Variants in RHBDL2 observed in about 807,000 individuals in gnomAD.
RHBDL2 encodes rhomboid-related protein 2.
In RHBDL2, 26 loss-of-function variants were observed where a neutral mutation model predicts 31.7. The ratio of observed to expected loss-of-function variants is 0.82; its 90% CI spans 0.60 to 1.14. RHBDL2 has a LOEUF of 1.14. Among genes scored for constraint, RHBDL2 ranks in the 50% most tolerant of loss-of-function variants. The pLI is 0.00. For missense variants in RHBDL2, 336 were observed against 364.4 expected, an observed-to-expected ratio of 0.92 and a Z score of 0.63; for synonymous variants, 123 against 127.2, an observed-to-expected ratio of 0.97 and a Z score of 0.22.
intron 7 of RHBDL2, among the ~76,000 whole-genome samples, chr1:38,887,255 G>T (rs554549812): frequency 4.0e-5 from 6 of 151,618 alleles, no homozygotes; most frequent in African/African-American, 1.5e-4. Flanking sequence ...CAACTCTGTC[G>T]CCCAGGCTGG....
At chr1:38,917,108 C>T (rs1268221843) in intron 2 of RHBDL2, among the ~76,000 whole-genome samples, 1 of 147,248 alleles carries the variant, frequency 6.8e-6, no homozygotes, top group African/African-American at 2.5e-5. Context: ...AGTTCTGCCT[C>T]CTGGGTTCAC....
At chr1:38,920,792 T>C (rs976075747) in intron 1 of RHBDL2, among the ~76,000 whole-genome samples, 24 of 150,284 alleles carry the variant, frequency 1.6e-4, no homozygotes, top group Non-Finnish European at 2.8e-4. Flanking sequence ...TTTTTTTGTA[T>C]TTTTAGTAGA....
chr1:38,930,820 G>C (rs1319466311), intron 1 of RHBDL2, among the ~76,000 whole-genome samples: 9 of 152,178 alleles, frequency 5.9e-5, no homozygotes, highest in Admixed American at 5.9e-4. Flanking sequence ...CTCAAAAAAG[G>C]CTTTCACTGC....
At position 38,929,447 on chromosome 1, in the gene RHBDL2, G is replaced by C. The variant is rs1396392097; in HGVS notation, c.-125-10110C>G. ...GCCCTGGCAAGGCCAACACCCTTAT[G>C]ACAACTCCTTTTCCATGGCAGACAC... On this transcript the variant is annotated intron_variant, in intron 1 of 7. Transcript: ENST00000372990. 2.3e-6 allele frequency: 3 copies of C among 1,289,464 alleles called. No homozygotes were observed. The South Asian group carries it at 3.7e-5, about 16-fold the overall frequency. 79.9% of individuals were successfully genotyped at this position (1,289,464 alleles called of 1,614,324 possible). A position where few individuals can be genotyped will look rare whatever the true frequency, so the allele number is the denominator to read the frequency against.
intron 3 of RHBDL2, chr1:38,913,416 A>AT (rs1643183616): frequency 6.6e-6 from 1 of 151,890 alleles, no homozygotes; most frequent in Non-Finnish European, 1.5e-5. Flanking sequence ...GCAGTTGGTG[A>AT]TTTTGCCCCT....
chr1:38,893,902 G>A (rs1557608553), intron 5 of RHBDL2, among the ~76,000 whole-genome samples: 1 of 152,050 alleles, frequency 6.6e-6, no homozygotes, highest in Non-Finnish European at 1.5e-5. Context: ...AGTACACCTG[G>A]CTCATTGTTG....
At chr1:38,924,743 C>T (rs1282815317) in intron 1 of RHBDL2, among the ~76,000 whole-genome samples, 1 of 147,390 alleles carries the variant, frequency 6.8e-6, no homozygotes, top group Non-Finnish European at 1.5e-5. Context: ...CAATTGACTA[C>T]CTTAAAAAAA....
At chr1:38,909,721 G>A (rs1426408152) in intron 4 of RHBDL2, among the ~76,000 whole-genome samples, 3 of 151,904 alleles carry the variant, frequency 2.0e-5, no homozygotes, top group African/African-American at 7.3e-5. Context: ...CAGCCTGGAC[G>A]ACAGGGCAAG....
chr1:38,900,672 G>A (rs938225999), intron 4 of RHBDL2, among the ~76,000 whole-genome samples: 2 of 152,012 alleles, frequency 1.3e-5, no homozygotes, highest in Admixed American at 6.6e-5. Context: ...GTTGCAGTGA[G>A]CCAAGATCAT....
chr1:38,916,374 T>C (rs1449947985), intron 2 of RHBDL2, among the ~76,000 whole-genome samples: 1 of 152,112 alleles, frequency 6.6e-6, no homozygotes, highest in Non-Finnish European at 1.5e-5. Flanking sequence ...ATCAGAGTCA[T>C]GAAAAACAAA....
At chr1:38,927,446 G>C (rs1643391277) in intron 1 of RHBDL2, among the ~76,000 whole-genome samples, 1 of 151,890 alleles carries the variant, frequency 6.6e-6, no homozygotes, top group Non-Finnish European at 1.5e-5. Context: ...GAAAAGAAAA[G>C]AGCCTCCTAC....
chr1:38,892,504 C>T (rs1642866959), intron 6 of RHBDL2, among the ~76,000 whole-genome samples: 3 of 152,134 alleles, frequency 2.0e-5, no homozygotes, highest in African/African-American at 7.2e-5. Context: ...CTAAGAACCA[C>T]CCATGAGAGC....
Position 38,918,971 on chromosome 1 carries a change from G to T in RHBDL2, c.242C>A (p.Ala81Asp), listed in dbSNP as rs778943725. The T allele has an allele frequency of 6.2e-7, 1 of 1,611,632 alleles. No homozygotes were observed. The highest frequency in any genetic ancestry group is 1.7e-5 in the Admixed American group (1 of 59,932). ...CCCACCCCGCTCCCCATTCACCTCG[G>T]CCAGGCTGATGGAGATGATGAACAC... is the stretch of plus-strand genomic sequence containing the variant. ...PPVFIISISLAELAVFIYYAV... is the reference protein window; with the variant it reads ...PPVFIISISLDELAVFIYYAV... The change falls in exon 2 of 8, where the codon GCC becomes GAC. Residue 81 changes from alanine (A) to aspartate (D), a missense_variant. Transcript: ENST00000372990.
At chr1:38,941,481 T>C (rs746130789) in intron 1 of RHBDL2, among the ~76,000 whole-genome samples, 11 of 152,104 alleles carry the variant, frequency 7.2e-5, no homozygotes, top group Non-Finnish European at 1.0e-4. Flanking sequence ...TGGCCCAACA[T>C]GCTGCCAACT....
chr1:38,922,796 A>G (rs144220300), intron 1 of RHBDL2, among the ~76,000 whole-genome samples: 6 of 152,010 alleles, frequency 3.9e-5, no homozygotes, highest in Admixed American at 1.3e-4. Flanking sequence ...ATTGGTAACA[A>G]TGAAAAAGAC....
chr1:38,924,017 T>C (rs1643344688), intron 1 of RHBDL2, among the ~76,000 whole-genome samples: 1 of 152,122 alleles, frequency 6.6e-6, no homozygotes, highest in Non-Finnish European at 1.5e-5. Flanking sequence ...TTTCATGGGT[T>C]CTAAGGATTG....
intron 5 of RHBDL2, among the ~76,000 whole-genome samples, chr1:38,894,708 T>C (rs201279162): frequency 2.7e-4 from 3 of 11,006 alleles, no homozygotes; most frequent in African/African-American, 3.8e-4. Flanking sequence ...TTTTTTTTTC[T>C]TTTTTTTTTT....
chr1:38,921,447 T>C (rs567103639), intron 1 of RHBDL2, among the ~76,000 whole-genome samples: 4 of 152,280 alleles, frequency 2.6e-5, no homozygotes, highest in Admixed American at 2.6e-4. Context: ...TGTTATTGGC[T>C]GTGGATGGAT....
intron 2 of RHBDL2, among the ~76,000 whole-genome samples, chr1:38,915,966 C>T (rs1643230261): frequency 6.6e-6 from 1 of 152,230 alleles, no homozygotes; most frequent in South Asian, 2.1e-4. Context: ...TTGCCCTGCT[C>T]TTGGACACCC....
Sources: allele counts gnomAD v4.1 joint callset (sites outside exome capture counted in the v4.1 genomes callset), GRCh38; gene constraint gnomAD v4.1.1; transcripts MANE v1.5; gene names NCBI Gene and HGNC (gene_info 2026-07-23, HGNC 2026-07-21).